Variants in LAMTOR4 observed in about 807,000 individuals in gnomAD.
The protein encoded by LAMTOR4 is ragulator complex protein LAMTOR4.
Under a neutral mutation model 13.5 loss-of-function variants are expected in LAMTOR4, and 11 were observed. The ratio of observed to expected loss-of-function variants is 0.82; its 90% CI spans 0.51 to 1.35. The LOEUF is 1.35. Ranked by LOEUF, LAMTOR4 falls within the 40% of genes most tolerant of loss-of-function variation. LAMTOR4 has a pLI of 0.00. For synonymous variants in LAMTOR4, 69 were observed against 52.3 expected (o/e 1.32, Z -1.38); for missense variants, 128 against 126.2 (o/e 1.01, Z -0.07).
At chr7:100,153,784 C>T in intron 3 of LAMTOR4, 83 bp from the exon 4 acceptor site, 2 of 991,150 alleles carry the variant, frequency 2.0e-6, no homozygotes, top group Non-Finnish European at 3.1e-6. Flanking sequence ...GCGTGTGGCC[C>T]CGCCCCATGG....
intron 1 of LAMTOR4, 53 bp downstream of exon 1, chr7:100,149,028 T>A: frequency 6.3e-7 from 1 of 1,590,390 alleles, no homozygotes; most frequent in Non-Finnish European, 8.5e-7. Context: ...GCGTCTCTGC[T>A]CCCCAGTCTG....
In LAMTOR4 at chr7:100,154,023, C is replaced by A. The variant is rs1331644244; in HGVS notation, c.*59C>A. 4 of 1,297,648 alleles carry A rather than the reference C, an allele frequency of 3.1e-6. No individual in the cohort carries two copies. The highest frequency in any genetic ancestry group is 4.4e-6 in the Non-Finnish European group (4 of 915,604). 80.4% of individuals were successfully genotyped at this position (1,297,648 alleles called of 1,614,324 possible). A position where few individuals can be genotyped will look rare whatever the true frequency, so the allele number is the denominator to read the frequency against. ...TGGGTCCTGGGCCTCTGTGATGAGG[C>A]AGGCACACCTGTCGGTCTTGGCTTG... On this transcript the variant is annotated 3_prime_UTR_variant, in exon 4 of 4. Coordinates refer to ENST00000341942, the MANE Select transcript of LAMTOR4 (RefSeq NM_001008395.4).
At position 100,151,024 on chromosome 7, in the gene LAMTOR4, A is replaced by G. The variant is rs565952875; in HGVS notation, c.84+1445A>G. On this transcript the variant is annotated intron_variant, in intron 2 of 3. Transcript: ENST00000341942. ...AAAAAAAAAAGAGATGAGACTGGGC[A>G]AGTGGTGGTAAGAAGGAGGAGCAAG... 1.3e-4 allele frequency among the ~76,000 whole-genome samples: 20 copies of G among 151,674 alleles called. No individual in the cohort carries two copies. In the South Asian group the frequency reaches 3.5e-3, roughly 27 times the overall value.
intron 2 of LAMTOR4, among the ~76,000 whole-genome samples, chr7:100,151,117 C>T (rs1230354607): frequency 6.6e-6 from 1 of 151,742 alleles, no homozygotes. Context: ...CTCTGTGGCC[C>T]AGGCTGGAGT....
At position 100,153,330 on chromosome 7, in the gene LAMTOR4, C is replaced by T. The variant is rs189680282; in HGVS notation, c.85-70C>T. On this transcript the variant is annotated intron_variant, in intron 2 of 3. Coordinates refer to ENST00000341942, the MANE Select transcript of LAMTOR4 (RefSeq NM_001008395.4). ...GGTCTAAGTGTGAGAACCAAGGGGACTGTGCCTGGAATTCCTTCCTGAGCC... is the reference window on the plus strand; with the variant it reads ...GGTCTAAGTGTGAGAACCAAGGGGATTGTGCCTGGAATTCCTTCCTGAGCC... The T allele has an allele frequency of 5.4e-5, 59 of 1,087,406 alleles. No individual in the cohort carries two copies. In the African/African-American group the frequency reaches 8.8e-4, roughly 16 times the overall value. 67.4% of individuals were successfully genotyped at this position (1,087,406 alleles called of 1,614,324 possible). A position where few individuals can be genotyped will look rare whatever the true frequency, so the allele number is the denominator to read the frequency against.
At chr7:100,153,557 C>G in intron 3 of LAMTOR4, 40 bp downstream of exon 3, 3 of 1,529,064 alleles carry the variant, frequency 2.0e-6, no homozygotes, top group East Asian at 2.2e-5. Flanking sequence ...GTACTGGGAG[C>G]GGGGGGCTAC....
At chr7:100,150,300 G>A (rs1404623546) in intron 2 of LAMTOR4, among the ~76,000 whole-genome samples, 4 of 152,214 alleles carry the variant, frequency 2.6e-5, no homozygotes, top group African/African-American at 9.6e-5. Context: ...AACAATACAG[G>A]TGGTAAAGAC....
intron 3 of LAMTOR4, 173 bp downstream of exon 3, chr7:100,153,690 AAG>A: frequency 1.3e-6 from 1 of 754,218 alleles, no homozygotes; most frequent in East Asian, 2.7e-5. Flanking sequence ...AGGCAAGAGA[AAG>A]GAGATCTAGC....
In LAMTOR4 at chr7:100,153,858, C is replaced by G. The variant is rs1798800061; in HGVS notation, c.203-9C>G. On this transcript the variant is annotated splice_polypyrimidine_tract_variant and intron_variant, in intron 3 of 3. Transcript: ENST00000341942. ...TCCTGGGGCGGGGGAAGGTGTGTCT[C>G]TCCTCCAGTGGTCTTTGGAGAACAC... 1.3e-6 allele frequency: 2 copies of G among 1,555,858 alleles called. No homozygotes were observed. The highest frequency in any genetic ancestry group is 2.3e-5 in the East Asian group (1 of 42,910).
intron 2 of LAMTOR4, among the ~76,000 whole-genome samples, chr7:100,151,673 C>T (rs1798707755): frequency 6.6e-6 from 1 of 151,770 alleles, no homozygotes; most frequent in African/African-American, 2.4e-5. Flanking sequence ...CAGGTGTGAG[C>T]CACAGCACCC....
chr7:100,149,253 C>T (rs1584607989), intron 1 of LAMTOR4: 1 of 602,066 alleles, frequency 1.7e-6, no homozygotes, highest in East Asian at 2.8e-5. Flanking sequence ...GCAAAGGCCC[C>T]TTGGGGTAGC....
Position 100,148,991 on chromosome 7 carries a change from T to C in LAMTOR4, c.3+16T>C. ...GACTGCGATGGTGAGTGAGGACGCATGCGCGAGAGGACCCGCCGGGGGTTC... is the reference window on the plus strand; with the variant it reads ...GACTGCGATGGTGAGTGAGGACGCACGCGCGAGAGGACCCGCCGGGGGTTC... On this transcript the variant is annotated intron_variant, in intron 1 of 3. Transcript: ENST00000341942. 2 of 1,609,302 alleles carry C rather than the reference T, an allele frequency of 1.2e-6. No homozygotes were observed. Among genetic ancestry groups the C allele is most frequent in the Non-Finnish European group, 1.7e-6 (2 of 1,178,780 alleles).
At chr7:100,151,052 G>C (rs1220459391) in intron 2 of LAMTOR4, among the ~76,000 whole-genome samples, 1 of 151,722 alleles carries the variant, frequency 6.6e-6, no homozygotes, top group Non-Finnish European at 1.5e-5. Flanking sequence ...GGAGCAAGGA[G>C]AGAAGAGTTT....
intron 1 of LAMTOR4, 84 bp downstream of exon 1, chr7:100,149,059 C>T (rs1798615186): frequency 6.6e-6 from 10 of 1,521,220 alleles, no homozygotes; most frequent in African/African-American, 1.4e-5. Context: ...CCCTGGTGGG[C>T]CTGCGCTCCA....
intron 1 of LAMTOR4, 84 bp from the exon 2 acceptor site, chr7:100,149,415 C>G (rs1182171429): frequency 1.1e-6 from 1 of 941,866 alleles, no homozygotes; most frequent in South Asian, 1.3e-5. Flanking sequence ...ATCGTCAACC[C>G]AGAGACTTGG....
chr7:100,149,488 T>G lies in LAMTOR4; in HGVS notation c.4-11T>G. 7 of 1,600,254 alleles carry G rather than the reference T, an allele frequency of 4.4e-6. No individual in the cohort carries two copies. The highest frequency in any genetic ancestry group is 5.1e-6 in the Non-Finnish European group (6 of 1,167,490). ...AGCATGCTTCTCACGACTTGCATCT[T>G]TACCCACTAGACTTCTGCGCTGACC... is the stretch of plus-strand genomic sequence containing the variant. On this transcript the variant is annotated splice_polypyrimidine_tract_variant and intron_variant, in intron 1 of 3. Transcript: ENST00000341942.
At chr7:100,150,575 T>G (rs1014541508) in intron 2 of LAMTOR4, among the ~76,000 whole-genome samples, 1 of 152,184 alleles carries the variant, frequency 6.6e-6, no homozygotes, top group Admixed American at 6.5e-5. Context: ...CACTTGAACT[T>G]ATTCTTGAAG....
At chr7:100,149,298 G>A in intron 1 of LAMTOR4, 1 of 624,516 alleles carries the variant, frequency 1.6e-6, no homozygotes. Context: ...GGAGCCCGGG[G>A]GCGAGAGTGG....
rs757833586 is a variant in LAMTOR4, at chr7:100,153,921, T to C, written c.257T>C (p.Val86Ala). The C allele has an allele frequency of 5.6e-6, 9 of 1,596,392 alleles. No homozygotes were observed. ...ACGGTGTCAGGACAGAGGGTGTTTG[T>C]GGTGAAGAGGCAGAACCGAGGTCGG... is the stretch of plus-strand genomic sequence containing the variant. ...LVTVSGQRVF[V>A]VKRQNRGREP... The change falls in exon 4 of 4, where the codon GTG (valine) becomes GCG (alanine). Residue 86 changes from valine (V) to alanine (A), a missense_variant. Val to Ala is a moderately conservative substitution (Grantham distance 64). Coordinates refer to ENST00000341942, the MANE Select transcript of LAMTOR4 (RefSeq NM_001008395.4).
Sources: gnomAD v4.1 joint callset for allele counts (sites outside exome capture counted in the v4.1 genomes callset) on GRCh38, gnomAD v4.1.1 for gene constraint, MANE v1.5 for transcripts, NCBI Gene and HGNC (gene_info 2026-07-23, HGNC 2026-07-21) for gene names.